Variants in TAS2R8 observed in about 807,000 individuals in gnomAD.
TAS2R8 encodes taste receptor type 2 member 8.
For synonymous variants in TAS2R8, 139 were observed against 123.9 expected, an observed-to-expected ratio of 1.12 and a Z score of -0.81; for missense variants, 396 against 358.1, an observed-to-expected ratio of 1.11 and a Z score of -0.85.
rs201347044 is a variant in TAS2R8, at chr12:10,806,666, G to C, written c.315C>G (p.Val105=). 6.2e-7 allele frequency: 1 copy of C among 1,613,912 alleles called. No individual in the cohort carries two copies. Among genetic ancestry groups the C allele is most frequent in the South Asian group, 1.1e-5 (1 of 91,080 alleles). Residue 105 remains valine (V), a synonymous_variant, in exon 1 of 1, where the codon GTC becomes GTG. Coordinates refer to ENST00000240615, the MANE Select transcript of TAS2R8 (RefSeq NM_023918.3). ...LNMWITTCLN[V]FYFLKIASSS... ...AACTGGCTATCTTCAGAAAATAGAA[G>C]ACATTAAGGCAGGTGGTAATCCACA...
rs1370731471 is a variant in TAS2R8 at position 10,806,749 on chromosome 12, T to C, written c.232A>G (p.Lys78Glu). 3 of 1,613,892 alleles carry C rather than the reference T, an allele frequency of 1.9e-6. No homozygotes were observed. ...AAAATGACTATCTGTTGTTTATTTT[T>C]TGTATAAACATCTGGGTTCAGTACT... ...VIVLNPDVYT[K>E]NKQQIVIFTF... The change falls in exon 1 of 1, where the codon AAA becomes GAA. Residue 78 changes from lysine (K) to glutamate (E), a missense_variant. Transcript: ENST00000240615.
In TAS2R8 at chr12:10,806,522, A is replaced by G. The variant is rs748858625; in HGVS notation, c.459T>C (p.Ser153=). ...LVSLIAAIVL[S]CDYRFHAIAK... ...CAATTGCATGAAACCTATAATCACAACTCAGTACTATTGCTGCTATAAGGC... is the reference window on the plus strand; with the variant it reads ...CAATTGCATGAAACCTATAATCACAGCTCAGTACTATTGCTGCTATAAGGC... Residue 153 remains serine, a synonymous_variant, in exon 1 of 1, where the codon AGT becomes AGC. Coordinates refer to ENST00000240615, the MANE Select transcript of TAS2R8 (RefSeq NM_023918.3). 2 of 1,613,830 alleles carry G rather than the reference A, an allele frequency of 1.2e-6. No individual in the cohort carries two copies. Among genetic ancestry groups the G allele is most frequent in the South Asian group, 2.2e-5 (2 of 91,072 alleles).
At position 10,806,311 on chromosome 12, in the gene TAS2R8, C is replaced by G. The variant is rs1948722543; in HGVS notation, c.670G>C (p.Asp224His). Reference protein sequence around the residue: ...QIKLYATGSRDPSTEVHVRAI... With the variant: ...QIKLYATGSRHPSTEVHVRAI... ...CTCACATGAACTTCTGTGCTGGGGT[C>G]TCTACTGCCGGTAGCATAGAGTTTT... Residue 224 changes from aspartate to histidine, a missense_variant, in exon 1 of 1, where the codon GAC (aspartate) becomes CAC (histidine). Coordinates refer to ENST00000240615, the MANE Select transcript of TAS2R8 (RefSeq NM_023918.3). 6.2e-7 allele frequency: 1 copy of G among 1,613,720 alleles called. No homozygotes were observed. The highest frequency in any genetic ancestry group is 1.3e-5 in the African/African-American group (1 of 74,992).
At chr12:10,806,328 TAG>T in the TAS2R8 span, 2 of 1,613,806 alleles carry the variant, frequency 1.2e-6, no homozygotes, top group Admixed American at 3.3e-5. Context: ...GCCGGTAGCA[TAG>T]AGTTTTATTT....
rs1336630304 is a variant in TAS2R8, at chr12:10,806,843, G to A, written c.138C>T (p.Tyr46=). The A allele has an allele frequency of 1.2e-6, 2 of 1,613,700 alleles. No individual in the cohort carries two copies. Among genetic ancestry groups the A allele is most frequent in the Non-Finnish European group, 1.7e-6 (2 of 1,179,890 alleles). ...IKKKKISTVD[Y]ILTNLVIARI... is the part of the protein sequence containing the mutation. ...TGGCGATAACTAAATTGGTAAGGAT[G>A]TAGTCAACTGTGGAAATCTTTTTCT... Residue 46 remains tyrosine (Y), a synonymous_variant, in exon 1 of 1, where the codon TAC becomes TAT. Transcript: ENST00000240615.
rs746600512 is a variant in TAS2R8, at chr12:10,806,701, A to T, written c.280T>A (p.Tyr94Asn). 1.9e-6 allele frequency: 3 copies of T among 1,614,014 alleles called. No homozygotes were observed. The South Asian group carries it at 3.3e-5, about 18-fold the overall frequency. Residue 94 changes from tyrosine to asparagine, a missense_variant, in exon 1 of 1, where the codon TAC (tyrosine) becomes AAC (asparagine). Physicochemically the swap from Tyr to Asn is moderately radical, Grantham distance 143. Transcript: ENST00000240615. ...CAGGTGGTAATCCACATATTTAAGT[A>T]GTTGGCAAATGTCCAGAAGGTAAAA... is the stretch of plus-strand genomic sequence containing the variant. ...VIFTFWTFAN[Y>N]LNMWITTCLN... is the part of the protein sequence containing the mutation.
In TAS2R8 at chr12:10,806,317, T is replaced by G; in HGVS notation, c.664A>C (p.Ser222Arg). Residue 222 changes from serine to arginine, a missense_variant, in exon 1 of 1, where the codon AGT (serine) becomes CGT (arginine). Physicochemically the swap from Ser to Arg is moderately radical, Grantham distance 110. Coordinates refer to ENST00000240615, the MANE Select transcript of TAS2R8 (RefSeq NM_023918.3). The part of the protein sequence containing the change: ...TKQIKLYATG[S>R]RDPSTEVHVR... ...TGAACTTCTGTGCTGGGGTCTCTACTGCCGGTAGCATAGAGTTTTATTTGC... is the reference window on the plus strand; with the variant it reads ...TGAACTTCTGTGCTGGGGTCTCTACGGCCGGTAGCATAGAGTTTTATTTGC... The G allele has an allele frequency of 6.2e-7, 1 of 1,613,828 alleles. No individual in the cohort carries two copies. Among genetic ancestry groups the G allele is most frequent in the Non-Finnish European group, 8.5e-7 (1 of 1,179,914 alleles).
chr12:10,806,516 A>G lies in TAS2R8; in HGVS notation c.465T>C (p.Asp155=), dbSNP rs1474827327. The change falls in exon 1 of 1, where the codon GAT becomes GAC. Residue 155 remains aspartate, a synonymous_variant. Coordinates refer to ENST00000240615, the MANE Select transcript of TAS2R8 (RefSeq NM_023918.3). ...SLIAAIVLSC[D]YRFHAIAKHK... ...GTTTGGCAATTGCATGAAACCTATA[A>G]TCACAACTCAGTACTATTGCTGCTA... is the stretch of plus-strand genomic sequence containing the variant. 6.2e-7 allele frequency: 1 copy of G among 1,613,778 alleles called. No homozygotes were observed. Among genetic ancestry groups the G allele is most frequent in the Non-Finnish European group, 8.5e-7 (1 of 1,179,926 alleles).
At position 10,806,876 on chromosome 12, in the gene TAS2R8, C is replaced by A. The variant is rs755862027; in HGVS notation, c.105G>T (p.Trp35Cys). The A allele has an allele frequency of 5.0e-6, 8 of 1,613,156 alleles. No homozygotes were observed. The highest frequency in any genetic ancestry group is 4.0e-5 in the African/African-American group (3 of 74,904). The change falls in exon 1 of 1, where the codon TGG (tryptophan) becomes TGT (cysteine). Residue 35 changes from tryptophan to cysteine, a missense_variant. Trp to Cys is a radical substitution (Grantham distance 215). Coordinates refer to ENST00000240615, the MANE Select transcript of TAS2R8 (RefSeq NM_023918.3). ...GYIALVNWID[W>C]IKKKKISTVD... ...CTGTGGAAATCTTTTTCTTCTTAAT[C>A]CAGTCAATCCAGTTGACTAGTGCAA...
rs751306851 is a variant in TAS2R8 at position 10,806,309 on chromosome 12, G to A, written c.672C>T (p.Asp224=). ...QIKLYATGSR[D]PSTEVHVRAI... ...CTCTCACATGAACTTCTGTGCTGGG[G>A]TCTCTACTGCCGGTAGCATAGAGTT... is the stretch of plus-strand genomic sequence containing the variant. The change falls in exon 1 of 1, where the codon GAC becomes GAT. Residue 224 remains aspartate, a synonymous_variant. Coordinates refer to ENST00000240615, the MANE Select transcript of TAS2R8 (RefSeq NM_023918.3). 2 of 1,613,732 alleles carry A rather than the reference G, an allele frequency of 1.2e-6. No individual in the cohort carries two copies.
Position 10,807,275 on chromosome 12 carries a change from C to A in TAS2R8, c.-295G>T. ...TACCTGAAATGTTTGGCTGAAATTGCTCCCATGCAAATTCAAAGAGATTTT... is the reference window on the plus strand; with the variant it reads ...TACCTGAAATGTTTGGCTGAAATTGATCCCATGCAAATTCAAAGAGATTTT... On this transcript the variant is annotated 5_prime_UTR_variant, in exon 1 of 1. Coordinates refer to ENST00000240615, the MANE Select transcript of TAS2R8 (RefSeq NM_023918.3). 3.5e-6 allele frequency: 1 copy of A among 283,624 alleles called. No homozygotes were observed. Among genetic ancestry groups the A allele is most frequent in the Non-Finnish European group, 6.5e-6 (1 of 153,742 alleles). 17.6% of individuals were successfully genotyped at this position (283,624 alleles called of 1,614,324 possible).
At position 10,806,834 on chromosome 12, in the gene TAS2R8, G is replaced by A; in HGVS notation, c.147C>T (p.Thr49=). The A allele has an allele frequency of 6.2e-7, 1 of 1,613,812 alleles. No homozygotes were observed. Among genetic ancestry groups the A allele is most frequent in the Non-Finnish European group, 8.5e-7 (1 of 1,179,882 alleles). Residue 49 remains threonine (T), a synonymous_variant, in exon 1 of 1, where the codon ACC becomes ACT. Transcript: ENST00000240615. ...KKISTVDYIL[T]NLVIARICLI... is the part of the protein sequence containing the mutation. Reference sequence around the variant, plus strand: ...AACAAATTCTGGCGATAACTAAATTGGTAAGGATGTAGTCAACTGTGGAAA... The same window carrying A: ...AACAAATTCTGGCGATAACTAAATTAGTAAGGATGTAGTCAACTGTGGAAA...
At position 10,806,171 on chromosome 12, in the gene TAS2R8, T is replaced by G; in HGVS notation, c.810A>C (p.Gly270=). ...MTKYKLAVEF[G]EIAAILYPLG... is the part of the protein sequence containing the mutation. ...AGGGGTAGAGAATTGCTGCAATCTC[T>G]CCAAACTCCACAGCTAACTTGTATT... is the stretch of plus-strand genomic sequence containing the variant. The change falls in exon 1 of 1, where the codon GGA becomes GGC. Residue 270 remains glycine, a synonymous_variant. Coordinates refer to ENST00000240615, the MANE Select transcript of TAS2R8 (RefSeq NM_023918.3). The G allele has an allele frequency of 1.2e-6, 2 of 1,613,484 alleles. No homozygotes were observed. The highest frequency in any genetic ancestry group is 1.7e-6 in the Non-Finnish European group (2 of 1,179,788).
rs959905378 is a variant in TAS2R8 at position 10,807,275 on chromosome 12, C to T, written c.-295G>A. On this transcript the variant is annotated 5_prime_UTR_variant, in exon 1 of 1. Transcript: ENST00000240615. ...TACCTGAAATGTTTGGCTGAAATTG[C>T]TCCCATGCAAATTCAAAGAGATTTT... is the stretch of plus-strand genomic sequence containing the variant. 6 of 283,506 alleles carry T rather than the reference C, an allele frequency of 2.1e-5. No homozygotes were observed. Among genetic ancestry groups the T allele is most frequent in the Non-Finnish European group, 3.9e-5 (6 of 153,750 alleles). 17.6% of individuals were successfully genotyped at this position (283,506 alleles called of 1,614,324 possible). A position where few individuals can be genotyped will look rare whatever the true frequency, so the allele number is the denominator to read the frequency against.
Position 10,806,729 on chromosome 12 carries a change from G to T in TAS2R8, c.252C>A (p.Val84=). 1 of 1,613,874 alleles carries T rather than the reference G, an allele frequency of 6.2e-7. No individual in the cohort carries two copies. The highest frequency in any genetic ancestry group is 8.5e-7 in the Non-Finnish European group (1 of 1,179,872). The change falls in exon 1 of 1, where the codon GTC becomes GTA. Residue 84 remains valine (V), a synonymous_variant. Transcript: ENST00000240615. ...DVYTKNKQQI[V]IFTFWTFANY... is the part of the protein sequence containing the mutation. ...TGGCAAATGTCCAGAAGGTAAAAAT[G>T]ACTATCTGTTGTTTATTTTTTGTAT... is the stretch of plus-strand genomic sequence containing the variant.
Position 10,806,538 on chromosome 12 carries a change from G to A in TAS2R8, c.443C>T (p.Ala148Val), listed in dbSNP as rs138116247. Reference sequence around the variant, plus strand: ...ATAATCACAACTCAGTACTATTGCTGCTATAAGGCTGACCAACAAGGAAAT... The same window carrying A: ...ATAATCACAACTCAGTACTATTGCTACTATAAGGCTGACCAACAAGGAAAT... ...FAISLLVSLI[A>V]AIVLSCDYRF... is the part of the protein sequence containing the mutation. Residue 148 changes from alanine to valine, a missense_variant, in exon 1 of 1, where the codon GCA (alanine) becomes GTA (valine). Ala to Val is a moderately conservative substitution (Grantham distance 64, BLOSUM62 0). Transcript: ENST00000240615. 3.1e-6 allele frequency: 5 copies of A among 1,613,850 alleles called. No individual in the cohort carries two copies. The highest frequency in any genetic ancestry group is 4.2e-6 in the Non-Finnish European group (5 of 1,179,908).
chr12:10,806,937 C>T lies in TAS2R8; in HGVS notation c.44G>A (p.Gly15Glu), dbSNP rs1055319393. Reference sequence around the variant, plus strand: ...CCCCAATATTCCTAGTATGAATTCTCCAGTTATTAGGATTATAAAGATGTT... The same window carrying T: ...CCCCAATATTCCTAGTATGAATTCTTCAGTTATTAGGATTATAAAGATGTT... ...ADNIFIILIT[G>E]EFILGILGNG... is the part of the protein sequence containing the mutation. The change falls in exon 1 of 1, where the codon GGA (glycine) becomes GAA (glutamate). Residue 15 changes from glycine (G) to glutamate (E), a missense_variant. Physicochemically the swap from Gly to Glu is moderately conservative, Grantham distance 98. Coordinates refer to ENST00000240615, the MANE Select transcript of TAS2R8 (RefSeq NM_023918.3). The T allele has an allele frequency of 1.9e-6, 3 of 1,611,160 alleles. No individual in the cohort carries two copies. Among genetic ancestry groups the T allele is most frequent in the East Asian group, 2.2e-5 (1 of 44,846 alleles).
At position 10,806,621 on chromosome 12, in the gene TAS2R8, G is replaced by C; in HGVS notation, c.360C>G (p.Leu120=). ...CCATATCAATTTTCCACTTCAGCCA[G>C]AGAAAAAGTGGATGAGAGGAACTGG... The part of the protein sequence containing the change: ...KIASSSHPLF[L]WLKWKIDMVV... Residue 120 remains leucine (L), a synonymous_variant, in exon 1 of 1, where the codon CTC becomes CTG. Transcript: ENST00000240615. 6.2e-7 allele frequency: 1 copy of C among 1,613,924 alleles called. No individual in the cohort carries two copies. Among genetic ancestry groups the C allele is most frequent in the Middle Eastern group, 1.7e-4 (1 of 6,060 alleles).
At position 10,806,331 on chromosome 12, in the gene TAS2R8, A is replaced by T; in HGVS notation, c.650T>A (p.Leu217His). The T allele has an allele frequency of 6.2e-7, 1 of 1,613,804 alleles. No individual in the cohort carries two copies. Among genetic ancestry groups the T allele is most frequent in the Non-Finnish European group, 8.5e-7 (1 of 1,179,920 alleles). ...GGGGTCTCTACTGCCGGTAGCATAG[A>T]GTTTTATTTGCTTGGTATGTCTCCA... ...SLWRHTKQIK[L>H]YATGSRDPST... The change falls in exon 1 of 1, where the codon CTC becomes CAC. Residue 217 changes from leucine (L) to histidine (H), a missense_variant. By Grantham distance (99) the Leu-to-His change is moderately conservative. Transcript: ENST00000240615.
Sources: gnomAD v4.1 joint callset for allele counts on GRCh38, gnomAD v4.1.1 for gene constraint, MANE v1.5 for transcripts, NCBI Gene and HGNC (gene_info 2026-07-23, HGNC 2026-07-21) for gene names.